EXT1: variants seen among roughly 807,000 people sequenced by gnomAD.
The protein encoded by EXT1 is exostosin-1.
A neutral mutation model predicts 82.5 loss-of-function variants in EXT1; 20 were observed. The ratio of observed to expected loss-of-function variants is 0.24; its 90% CI spans 0.17 to 0.35. EXT1 has a LOEUF of 0.35. EXT1 is among the 10% of genes least tolerant of loss of function. The probability of loss-of-function intolerance (pLI) is 1.00; values close to 1 mark genes in which losing one functional copy is unlikely to be tolerated. For synonymous variants in EXT1, 348 were observed against 350.8 expected, an observed-to-expected ratio of 0.99 and a Z score of 0.09; for missense variants, 757 against 936.5, an observed-to-expected ratio of 0.81 and a Z score of 2.50.
rs1823135031 is a variant in EXT1 at position 117,799,708 on chromosome 8, T to C, written c.*4A>G. ...GCTTCCCCTCCCCCACTCAGCCGGA[T>C]TCCTCAAAGTCGCTCAATGTCTCGG... is the stretch of plus-strand genomic sequence containing the variant. On this transcript the variant is annotated 3_prime_UTR_variant, in exon 11 of 11. Transcript: ENST00000378204. 4 of 1,613,922 alleles carry C rather than the reference T, an allele frequency of 2.5e-6. No homozygotes were observed. Among genetic ancestry groups the C allele is most frequent in the South Asian group, 1.1e-5 (1 of 91,064 alleles).
intron 1 of EXT1, among the ~76,000 whole-genome samples, chr8:117,953,263 T>C (rs1028595468): frequency 2.6e-5 from 4 of 152,160 alleles, no homozygotes; most frequent in Non-Finnish European, 4.4e-5. Context: ...AATCTTTCCC[T>C]ATAAGACCAT....
intron 4 of EXT1, among the ~76,000 whole-genome samples, chr8:117,825,127 C>T (rs895299163): frequency 1.2e-4 from 18 of 152,188 alleles, no homozygotes; most frequent in African/African-American, 4.1e-4. Flanking sequence ...TCTCCCCGGC[C>T]TCCCAAAGTG....
At chr8:117,979,056 T>A (rs1348048771) in intron 1 of EXT1, among the ~76,000 whole-genome samples, 1 of 151,938 alleles carries the variant, frequency 6.6e-6, no homozygotes, top group African/African-American at 2.4e-5. Flanking sequence ...CTATGTTGAG[T>A]TAAAAAGCAA....
intron 1 of EXT1, among the ~76,000 whole-genome samples, 198 bp downstream of exon 1, chr8:118,109,887 A>G (rs562324912): frequency 6.6e-6 from 1 of 152,128 alleles, no homozygotes; most frequent in South Asian, 2.1e-4. Flanking sequence ...CAGGCTTTTC[A>G]GTTTGCCCGA....
chr8:117,962,584 C>T (rs1814722848), intron 1 of EXT1, among the ~76,000 whole-genome samples: 1 of 152,122 alleles, frequency 6.6e-6, no homozygotes, highest in Admixed American at 6.5e-5. Flanking sequence ...AAACGCCCAT[C>T]TCTACTAAAA....
intron 1 of EXT1, among the ~76,000 whole-genome samples, chr8:118,094,299 A>T (rs969376995): frequency 5.3e-5 from 8 of 152,230 alleles, no homozygotes; most frequent in African/African-American, 1.9e-4. Context: ...ATAAAAATCT[A>T]CTGTATTTTG....
At chr8:118,027,686 GC>G (rs1013543524) in intron 1 of EXT1, among the ~76,000 whole-genome samples, 1 of 152,100 alleles carries the variant, frequency 6.6e-6, no homozygotes, top group African/African-American at 2.4e-5. Flanking sequence ...CACTTCCCAT[GC>G]CCCCATATCG....
At chr8:117,997,811 C>G (rs1815578161) in intron 1 of EXT1, among the ~76,000 whole-genome samples, 1 of 152,078 alleles carries the variant, frequency 6.6e-6, no homozygotes, top group South Asian at 2.1e-4. Flanking sequence ...TAATACAAAG[C>G]TGTCTTTCAT....
intron 1 of EXT1, among the ~76,000 whole-genome samples, chr8:118,086,246 C>T (rs762194955): frequency 2.6e-5 from 4 of 152,136 alleles, no homozygotes; most frequent in Non-Finnish European, 4.4e-5. Context: ...TGTGAAAGGC[C>T]ACCTCCAAAA....
At chr8:117,807,450 C>A in intron 8 of EXT1, 73 bp from the exon 9 acceptor site, 1 of 1,548,834 alleles carries the variant, frequency 6.5e-7, no homozygotes, top group Non-Finnish European at 8.9e-7. Flanking sequence ...ACCTTCTCCC[C>A]ACTAATTCAT....
chr8:118,060,030 C>T (rs1409517289), intron 1 of EXT1, among the ~76,000 whole-genome samples: 3 of 152,156 alleles, frequency 2.0e-5, no homozygotes, highest in African/African-American at 7.2e-5. Flanking sequence ...CTCTAAAAAT[C>T]TTCTCCAAAA....
intron 1 of EXT1, among the ~76,000 whole-genome samples, chr8:117,912,676 TG>T (rs955806131): frequency 3.3e-5 from 5 of 152,110 alleles, no homozygotes; most frequent in African/African-American, 1.2e-4. Context: ...CTGGCTAGAG[TG>T]GATCCTGATC....
At chr8:118,054,138 A>G (rs1320451080) in intron 1 of EXT1, among the ~76,000 whole-genome samples, 1 of 152,232 alleles carries the variant, frequency 6.6e-6, no homozygotes, top group African/African-American at 2.4e-5. Flanking sequence ...ACAGTCAGAT[A>G]AGTATTTTCA....
chr8:118,012,987 A>G (rs1393713779), intron 1 of EXT1, among the ~76,000 whole-genome samples: 1 of 152,114 alleles, frequency 6.6e-6, no homozygotes, highest in East Asian at 1.9e-4. Flanking sequence ...AAATGAAAAC[A>G]TGCATAATGT....
chr8:118,108,661 T>A (rs1013970768), intron 1 of EXT1, among the ~76,000 whole-genome samples: 1 of 152,188 alleles, frequency 6.6e-6, no homozygotes, highest in Non-Finnish European at 1.5e-5. Flanking sequence ...GAAAGCTGAA[T>A]CTGAGTGCTT....
chr8:117,910,146 T>G (rs1405276775), intron 1 of EXT1, among the ~76,000 whole-genome samples: 1 of 152,162 alleles, frequency 6.6e-6, no homozygotes, highest in Non-Finnish European at 1.5e-5. Context: ...CCATTTCCTC[T>G]AATAAGGGTG....
At chr8:118,079,253 A>G (rs1817266161) in intron 1 of EXT1, among the ~76,000 whole-genome samples, 1 of 152,210 alleles carries the variant, frequency 6.6e-6, no homozygotes, top group Admixed American at 6.5e-5. Flanking sequence ...AAAATAATCA[A>G]CTATAGTTCA....
chr8:117,968,220 C>A (rs1243510188), intron 1 of EXT1, among the ~76,000 whole-genome samples: 1 of 152,062 alleles, frequency 6.6e-6, no homozygotes, highest in African/African-American at 2.4e-5. Flanking sequence ...ATCCTCCCAC[C>A]CCAACCTCCC....
intron 1 of EXT1, among the ~76,000 whole-genome samples, chr8:117,853,076 G>C (rs17474860): frequency 6.6e-6 from 1 of 152,184 alleles, no homozygotes; most frequent in Non-Finnish European, 1.5e-5. Context: ...AGTGCTGACA[G>C]TAGATGCAAA....
Sources: allele counts gnomAD v4.1 joint callset (sites outside exome capture counted in the v4.1 genomes callset), GRCh38; gene constraint gnomAD v4.1.1; transcripts MANE v1.5; gene names NCBI Gene and HGNC (gene_info 2026-07-23, HGNC 2026-07-21).